PRDM6: variants seen among roughly 807,000 people sequenced by gnomAD.
The protein encoded by PRDM6 is PR/SET domain 6.
Under a neutral mutation model 60.8 loss-of-function variants are expected in PRDM6, and 25 were observed. The ratio of observed to expected loss-of-function variants is 0.41; its 90% CI spans 0.30 to 0.57. The LOEUF (loss-of-function observed/expected upper bound fraction) is 0.57. Among genes scored for constraint, PRDM6 ranks in the 20% least tolerant of loss-of-function variants. PRDM6 has a pLI of 0.27. For synonymous variants in PRDM6, 407 were observed against 357.4 expected (o/e 1.14, Z -1.57); for missense variants, 839 against 821.3 (o/e 1.02, Z -0.26).
chr5:123,132,385 C>T (rs1423325488), intron 3 of PRDM6, among the ~76,000 whole-genome samples: 3 of 150,690 alleles, frequency 2.0e-5, no homozygotes, highest in Non-Finnish European at 4.4e-5. Context: ...GTTGAAGTAA[C>T]AGCAAGTTAT....
intron 7 of PRDM6, among the ~76,000 whole-genome samples, chr5:123,183,979 A>T (rs1337526833): frequency 6.6e-6 from 1 of 152,196 alleles, no homozygotes; most frequent in Non-Finnish European, 1.5e-5. Flanking sequence ...AGAATCATTC[A>T]TCGCTATGTT....
At chr5:123,115,868 A>G (rs1406582231) in intron 3 of PRDM6, among the ~76,000 whole-genome samples, 1 of 151,586 alleles carries the variant, frequency 6.6e-6, no homozygotes, top group African/African-American at 2.4e-5. Context: ...CTCTCTCCTC[A>G]TTTTGAAAAT....
chr5:123,100,934 C>T (rs1195602322), intron 3 of PRDM6, among the ~76,000 whole-genome samples: 1 of 152,190 alleles, frequency 6.6e-6, no homozygotes. Flanking sequence ...ATATGTAAAT[C>T]TGACTAACTG....
Position 123,156,004 on chromosome 5 carries a change from C to A in PRDM6, c.1021C>A (p.Gln341Lys). 1.3e-6 allele frequency: 2 copies of A among 1,551,086 alleles called. No individual in the cohort carries two copies. The highest frequency in any genetic ancestry group is 2.4e-5 in the South Asian group (2 of 83,862). Residue 341 changes from glutamine to lysine, a missense_variant, in exon 4 of 8, where the codon CAG becomes AAG. Gln to Lys is a moderately conservative substitution (Grantham distance 53). Transcript: ENST00000407847. ...CGGAGAACAGAATCTAACAGTAGTT[C>A]AGTACAGGTAAAGTATATCTTGATT... is the stretch of plus-strand genomic sequence containing the variant. ...HCGEQNLTVV[Q>K]YRSNIFYRAC... is the part of the protein sequence containing the mutation.
intron 3 of PRDM6, among the ~76,000 whole-genome samples, chr5:123,102,461 A>T (rs1261395227): frequency 6.6e-6 from 1 of 152,124 alleles, no homozygotes; most frequent in Admixed American, 6.5e-5. Context: ...TCTGAAATTT[A>T]AAAAAATCAT....
chr5:123,144,644 G>A (rs1765196506), intron 3 of PRDM6, among the ~76,000 whole-genome samples: 1 of 152,202 alleles, frequency 6.6e-6, no homozygotes, highest in Non-Finnish European at 1.5e-5. Context: ...AGAGGTACAT[G>A]CTAGGCCTCT....
chr5:123,130,945 G>A (rs1057035274), intron 3 of PRDM6, among the ~76,000 whole-genome samples: 2 of 152,178 alleles, frequency 1.3e-5, no homozygotes, highest in African/African-American at 2.4e-5. Flanking sequence ...AATTGCTTTT[G>A]AGCCAAATGA....
chr5:123,130,097 TCC>T (rs1764788685), intron 3 of PRDM6, among the ~76,000 whole-genome samples: 1 of 30,850 alleles, frequency 3.2e-5, no homozygotes, highest in Non-Finnish European at 5.2e-5. Context: ...TTCCCTCCCC[TCC>T]CCTCCCCTCC....
chr5:123,150,075 C>G (rs1258587384), intron 3 of PRDM6, among the ~76,000 whole-genome samples: 1 of 152,156 alleles, frequency 6.6e-6, no homozygotes, highest in Admixed American at 6.5e-5. Flanking sequence ...TGGTCTAAGG[C>G]TGGCTATGTT....
At chr5:123,145,947 A>G (rs1040956138) in intron 3 of PRDM6, among the ~76,000 whole-genome samples, 7 of 152,168 alleles carry the variant, frequency 4.6e-5, no homozygotes, top group African/African-American at 1.4e-4. Context: ...TGGGACAAAC[A>G]TTCTGTGTCT....
intron 5 of PRDM6, among the ~76,000 whole-genome samples, chr5:123,160,972 A>G (rs1305016206): frequency 6.6e-6 from 1 of 152,176 alleles, no homozygotes; most frequent in Non-Finnish European, 1.5e-5. Context: ...TCCATGCCCC[A>G]TGCCCCCAAA....
rs886909714 is a variant in PRDM6 at position 123,187,435 on chromosome 5, C to A, written c.*234C>A. 6.0e-6 allele frequency: 2 copies of A among 334,292 alleles called. No homozygotes were observed. Among genetic ancestry groups the A allele is most frequent in the African/African-American group, 4.2e-5 (2 of 47,298 alleles). The allele number at this position is 334,292 out of a possible 1,614,324, so 20.7% of individuals were successfully genotyped here. Reference sequence around the variant, plus strand: ...AGACTTATTTCAGTGGACAACTAACCTGGGATGGTTAACATTTCCAGTCCC... The same window carrying A: ...AGACTTATTTCAGTGGACAACTAACATGGGATGGTTAACATTTCCAGTCCC... On this transcript the variant is annotated 3_prime_UTR_variant, in exon 8 of 8. Coordinates refer to ENST00000407847, the MANE Select transcript of PRDM6 (RefSeq NM_001136239.4).
Position 123,190,924 on chromosome 5 carries a change from C to T in PRDM6, c.*3723C>T, listed in dbSNP as rs1766419100. ...TCTCAGTGAAGTTAAAGATTTTGTT[C>T]CAACTGGGAAAATCTGAGAGAGGTA... is the stretch of plus-strand genomic sequence containing the variant. On this transcript the variant is annotated 3_prime_UTR_variant, in exon 8 of 8. Coordinates refer to ENST00000407847, the MANE Select transcript of PRDM6 (RefSeq NM_001136239.4). 1 of 152,110 alleles carries T rather than the reference C, an allele frequency of 6.6e-6. No homozygotes were observed. Among genetic ancestry groups the T allele is most frequent in the Non-Finnish European group, 1.5e-5 (1 of 68,030 alleles). 9.4% of individuals were successfully genotyped at this position (152,110 alleles called of 1,614,324 possible).
chr5:123,091,591 C>T (rs1235928038), intron 2 of PRDM6, among the ~76,000 whole-genome samples: 1 of 152,200 alleles, frequency 6.6e-6, no homozygotes, highest in Non-Finnish European at 1.5e-5. Flanking sequence ...ATACCTGCTT[C>T]TTTTTGATAA....
chr5:123,130,414 GAAAGGTTATCTT>G (rs1274003503), intron 3 of PRDM6, among the ~76,000 whole-genome samples: 1 of 144,680 alleles, frequency 6.9e-6, no homozygotes, highest in East Asian at 2.0e-4. Flanking sequence ...AGTTAGCCCT[GAAAGGTTATCTT>G]AAAGAATTAA....
chr5:123,180,228 C>T lies in PRDM6; in HGVS notation c.1578C>T (p.Asp526=). Residue 526 remains aspartate (D), a synonymous_variant, in exon 7 of 8, where the codon GAC becomes GAT. Coordinates refer to ENST00000407847, the MANE Select transcript of PRDM6 (RefSeq NM_001136239.4). ...LRNHVVTHSS[D]RPFKCGYCGR... is the part of the protein sequence containing the mutation. ...ACCACGTGGTCACTCACTCTAGTGA[C>T]CGGCCTTTCAAGTGCGGCTACTGTG... 6.4e-7 allele frequency: 1 copy of T among 1,552,072 alleles called. No individual in the cohort carries two copies. The highest frequency in any genetic ancestry group is 8.7e-7 in the Non-Finnish European group (1 of 1,147,068).
intron 3 of PRDM6, among the ~76,000 whole-genome samples, chr5:123,105,593 A>G (rs939042288): frequency 6.6e-6 from 1 of 152,234 alleles, no homozygotes; most frequent in Non-Finnish European, 1.5e-5. Context: ...CTCTTGTCTC[A>G]GAAGATGGAT....
rs1002860850 is a variant in PRDM6, at chr5:123,132,551, C to G, written c.901-23333C>G. ...ATCCCCATATCTCTGGTGAAGCACT[C>G]TCCAAGTGTGTTGACATTTCAGGAA... On this transcript the variant is annotated intron_variant, in intron 3 of 7. Transcript: ENST00000407847. 9.9e-5 allele frequency among the ~76,000 whole-genome samples: 15 copies of G among 152,126 alleles called. 1 individual carries two copies. Among genetic ancestry groups the G allele is most frequent in the Non-Finnish European group, 2.2e-4 (15 of 68,000 alleles).
At chr5:123,116,136 G>A (rs556109916) in intron 3 of PRDM6, among the ~76,000 whole-genome samples, 46 of 152,150 alleles carry the variant, frequency 3.0e-4, no homozygotes, top group Non-Finnish European at 5.1e-4. Flanking sequence ...GATCCCGGAG[G>A]CTGCTTGCTC....
Sources: allele counts gnomAD v4.1 joint callset (sites outside exome capture counted in the v4.1 genomes callset), GRCh38; gene constraint gnomAD v4.1.1; transcripts MANE v1.5; gene names NCBI Gene and HGNC (gene_info 2026-07-23, HGNC 2026-07-21).